DSCAM: variants seen among roughly 807,000 people sequenced by gnomAD.
DSCAM encodes DS cell adhesion molecule.
Under a neutral mutation model 217.7 loss-of-function variants are expected in DSCAM, and 47 were observed. The observed-to-expected ratio is 0.22, with a 90% CI of 0.17 to 0.28. The LOEUF is 0.28. Among genes scored for constraint, DSCAM ranks in the 10% least tolerant of loss-of-function variants. The pLI is 1.00. For synonymous variants in DSCAM, 1,056 were observed against 1,015.3 expected (o/e 1.04, Z -0.76); for missense variants, 2,080 against 2,618.3 (o/e 0.79, Z 4.49).
intron 1 of DSCAM, among the ~76,000 whole-genome samples, chr21:40,779,556 A>G (rs1200638958): frequency 1.3e-5 from 2 of 152,236 alleles, no homozygotes; most frequent in African/African-American, 4.8e-5. Context: ...TGCTGTCCTC[A>G]TGGATCTGCC....
At chr21:40,433,325 G>A (rs1238805016) in intron 3 of DSCAM, among the ~76,000 whole-genome samples, 1 of 147,942 alleles carries the variant, frequency 6.8e-6, no homozygotes, top group East Asian at 2.0e-4. Flanking sequence ...CTCAGCTTGG[G>A]TGACAGAGTA....
chr21:40,841,274 C>T (rs900413741), intron 1 of DSCAM, among the ~76,000 whole-genome samples: 15 of 152,184 alleles, frequency 9.9e-5, no homozygotes, highest in Admixed American at 9.8e-4. Context: ...CTTGCGTCAC[C>T]TGCAGAAAAC....
At chr21:40,360,324 C>T (rs928185308) in intron 4 of DSCAM, among the ~76,000 whole-genome samples, 6 of 151,412 alleles carry the variant, frequency 4.0e-5, no homozygotes, top group African/African-American at 1.5e-4. Context: ...TTACTAGAGG[C>T]GGGGTTTCAC....
chr21:40,671,259 G>C (rs547657575), intron 3 of DSCAM, among the ~76,000 whole-genome samples: 1 of 152,318 alleles, frequency 6.6e-6, no homozygotes, highest in Admixed American at 6.5e-5. Context: ...AGATCAAAGA[G>C]AGAAAAAGAC....
chr21:40,846,683 C>A lies in DSCAM; in HGVS notation c.-22G>T. ...ACATGCCCCTGCCGCTCCCCGGCCT[C>A]CCGCGAGCGACGCGCCGGCCTCGCC... On this transcript the variant is annotated 5_prime_UTR_variant, in exon 1 of 33. Coordinates refer to ENST00000400454, the MANE Select transcript of DSCAM (RefSeq NM_001389.5). The A allele has an allele frequency of 8.5e-7, 1 of 1,173,392 alleles. No individual in the cohort carries two copies. Among genetic ancestry groups the A allele is most frequent in the Non-Finnish European group, 1.1e-6 (1 of 936,744 alleles). The allele number at this position is 1,173,392 out of a possible 1,614,324, so 72.7% of individuals were successfully genotyped here. A position where few individuals can be genotyped will look rare whatever the true frequency, so the allele number is the denominator to read the frequency against.
In DSCAM at chr21:40,144,894, G is replaced by C. The variant is rs1488785611; in HGVS notation, c.3019-163C>G. Among the ~76,000 whole-genome samples, 2 of 152,192 alleles carry C rather than the reference G, an allele frequency of 1.3e-5. No homozygotes were observed. The highest frequency in any genetic ancestry group is 4.8e-5 in the African/African-American group (2 of 41,446). On this transcript the variant is annotated intron_variant, in intron 16 of 32. Transcript: ENST00000400454. This position sits in a 1 kb window ranked among gnomAD's most constrained non-coding sequence, Gnocchi z 4.8. ...CGCAAACCCACGTACAGTGCAACTT[G>C]GTCTGTGCCAGGCACCCTTCCTTTA...
intron 16 of DSCAM, among the ~76,000 whole-genome samples, chr21:40,151,572 C>T (rs911367914): frequency 6.6e-6 from 1 of 152,166 alleles, no homozygotes; most frequent in Admixed American, 6.5e-5. Flanking sequence ...GTTTTGAACA[C>T]ACATGAGATG....
chr21:40,137,090 G>A (rs1419803342), intron 18 of DSCAM, among the ~76,000 whole-genome samples: 2 of 151,224 alleles, frequency 1.3e-5, no homozygotes, highest in African/African-American at 4.9e-5. Flanking sequence ...CAAGAGAACG[G>A]CGTGAACCTG....
intron 3 of DSCAM, among the ~76,000 whole-genome samples, chr21:40,605,654 T>C (rs991340706): frequency 2.0e-5 from 3 of 152,198 alleles, no homozygotes; most frequent in African/African-American, 7.2e-5. Flanking sequence ...GTGAGCCCCA[T>C]TTTGCTGATC....
At chr21:40,743,853 A>T (rs1456075664) in intron 1 of DSCAM, among the ~76,000 whole-genome samples, 1 of 152,170 alleles carries the variant, frequency 6.6e-6, no homozygotes, top group Non-Finnish European at 1.5e-5. Context: ...ATTCTATAAA[A>T]AGTAACAGTA....
At position 40,318,550 on chromosome 21, in the gene DSCAM, C is replaced by T. The variant is rs577046532; in HGVS notation, c.1784-6191G>A. Among the ~76,000 whole-genome samples the T allele has an allele frequency of 1.4e-4, 21 of 152,252 alleles. No individual in the cohort carries two copies. The South Asian group carries it at 3.9e-3, about 29-fold the overall frequency. ...ATATCTGGCCTTGTTTATTTAGGTA[C>T]GGTCCTCGCGCCAACTCTGAATTGC... is the stretch of plus-strand genomic sequence containing the variant. On this transcript the variant is annotated intron_variant, in intron 8 of 32. Coordinates refer to ENST00000400454, the MANE Select transcript of DSCAM (RefSeq NM_001389.5).
chr21:40,120,458 G>A (rs2090021059), intron 20 of DSCAM, among the ~76,000 whole-genome samples: 2 of 152,292 alleles, frequency 1.3e-5, no homozygotes, highest in South Asian at 2.1e-4. Flanking sequence ...TTATGTAGAC[G>A]GGAGCGTTGG....
chr21:40,775,407 G>T (rs530002126), intron 1 of DSCAM, among the ~76,000 whole-genome samples: 161 of 152,272 alleles, frequency 1.1e-3, no homozygotes, highest in African/African-American at 3.8e-3. Flanking sequence ...GTCTGTGAGG[G>T]TATTTCCAGA....
At chr21:40,446,088 G>A (rs191814611) in intron 3 of DSCAM, among the ~76,000 whole-genome samples, 14 of 152,276 alleles carry the variant, frequency 9.2e-5, no homozygotes, top group African/African-American at 2.4e-4. Flanking sequence ...ATATTCTTAC[G>A]TGGGAACTTA....
intron 19 of DSCAM, among the ~76,000 whole-genome samples, chr21:40,127,769 C>G (rs1427976480): frequency 6.6e-6 from 1 of 152,200 alleles, no homozygotes; most frequent in Non-Finnish European, 1.5e-5. Context: ...AATTCTCTTC[C>G]TGCTGTCACT....
chr21:40,507,267 A>G (rs1418868532), intron 3 of DSCAM, among the ~76,000 whole-genome samples: 2 of 151,982 alleles, frequency 1.3e-5, no homozygotes, highest in African/African-American at 2.4e-5. Flanking sequence ...GCAGAGCTAG[A>G]ATACATCTCA....
chr21:40,688,815 T>C (rs1041200476), intron 3 of DSCAM, among the ~76,000 whole-genome samples: 2 of 152,246 alleles, frequency 1.3e-5, no homozygotes, highest in Non-Finnish European at 2.9e-5. Context: ...TTCCTCCATT[T>C]GGTAGAATTA....
At chr21:40,063,420 T>A (rs930659057) in intron 27 of DSCAM, among the ~76,000 whole-genome samples, 1 of 152,092 alleles carries the variant, frequency 6.6e-6, no homozygotes, top group Admixed American at 6.6e-5. Context: ...TTTTTTTCTC[T>A]GAGCACATTG....
intron 18 of DSCAM, among the ~76,000 whole-genome samples, chr21:40,134,283 A>G (rs573475754): frequency 2.4e-4 from 36 of 152,192 alleles, no homozygotes; most frequent in African/African-American, 7.2e-4. Context: ...GTTAAGTGTT[A>G]TCAACCCAAG....
Sources: allele counts gnomAD v4.1 joint callset (sites outside exome capture counted in the v4.1 genomes callset), GRCh38; gene constraint gnomAD v4.1.1; non-coding constraint Gnocchi (gnomAD v3.1); transcripts MANE v1.5; gene names NCBI Gene and HGNC (gene_info 2026-07-23, HGNC 2026-07-21).